Variants in CSMD1 observed in about 807,000 individuals in gnomAD.
The protein encoded by CSMD1 is CUB and Sushi multiple domains 1.
CSMD1 carries 213 observed loss-of-function variants against 417.5 expected under a neutral mutation model. That is an observed-to-expected ratio of 0.51 (90% CI 0.46 to 0.57). The LOEUF (loss-of-function observed/expected upper bound fraction) is 0.57, where lower values mean the gene tolerates loss of function less well. CSMD1 is among the 20% of genes least tolerant of loss of function. The probability of loss-of-function intolerance (pLI) is 0.00; values close to 1 mark genes in which losing one functional copy is unlikely to be tolerated. For synonymous variants in CSMD1, 2,862 were observed against 1,736.8 expected (o/e 1.65, Z -16.11); for missense variants, 6,923 against 4,529.7 (o/e 1.53, Z -15.17).
intron 46 of CSMD1, among the ~76,000 whole-genome samples, chr8:3,105,526 T>C (rs10102118): frequency 0.029 from 4,426 of 152,348 alleles, 212 homozygotes; most frequent in African/African-American, 0.099. Flanking sequence ...GAAAGTGGTG[T>C]CTATTAATAT....
intron 25 of CSMD1, among the ~76,000 whole-genome samples, chr8:3,301,256 G>C (rs189623132): frequency 6.6e-6 from 1 of 152,146 alleles, no homozygotes; most frequent in African/African-American, 2.4e-5. Flanking sequence ...TTTGCAGGGT[G>C]GTCAGTGGAA....
chr8:4,367,400 C>T lies in CSMD1; in HGVS notation c.415+52553G>A, dbSNP rs192802914. ...ATGGCTTTATTTCTGGGTCCTCTCT[C>T]ATTTTTCATTGGTCTATGTGTCTAT... is the stretch of plus-strand genomic sequence containing the variant. On this transcript the variant is annotated intron_variant, in intron 3 of 69. Coordinates refer to ENST00000635120, the MANE Select transcript of CSMD1 (RefSeq NM_033225.6). Among the ~76,000 whole-genome samples, 5 of 152,166 alleles carry T rather than the reference C, an allele frequency of 3.3e-5. No homozygotes were observed. In the East Asian group the frequency reaches 9.7e-4, roughly 29 times the overall value.
intron 3 of CSMD1, among the ~76,000 whole-genome samples, chr8:4,376,384 T>C (rs796520571): frequency 9.9e-5 from 15 of 152,216 alleles, no homozygotes; most frequent in African/African-American, 3.1e-4. Context: ...AGTAACCATA[T>C]GTAACCCGTG....
intron 11 of CSMD1, among the ~76,000 whole-genome samples, chr8:3,476,445 A>C (rs80174927): frequency 6.6e-6 from 1 of 152,152 alleles, no homozygotes; most frequent in East Asian, 1.9e-4. Context: ...TTCTAGGGTA[A>C]ATACTTAGGA....
At chr8:4,290,740 T>C (rs1029251111) in intron 3 of CSMD1, among the ~76,000 whole-genome samples, 4 of 152,246 alleles carry the variant, frequency 2.6e-5, no homozygotes, top group African/African-American at 4.8e-5. Flanking sequence ...TATCTCCCTA[T>C]CTGTAGTTTC....
chr8:3,835,227 C>G (rs959597380), intron 5 of CSMD1, among the ~76,000 whole-genome samples: 5 of 151,280 alleles, frequency 3.3e-5, no homozygotes, highest in Admixed American at 2.0e-4. Flanking sequence ...GGTATATACC[C>G]AAAGGATTAT....
chr8:3,189,812 G>A (rs1796305242), intron 34 of CSMD1, 100 bp downstream of exon 34: 19 of 1,103,620 alleles, frequency 1.7e-5, no homozygotes, highest in Admixed American at 8.9e-5. Context: ...AATGGGTCAT[G>A]AGCCAGATGG....
chr8:3,973,519 T>C (rs1299296191), intron 5 of CSMD1, among the ~76,000 whole-genome samples: 1 of 152,210 alleles, frequency 6.6e-6, no homozygotes, highest in East Asian at 1.9e-4. Flanking sequence ...CATTCTGGTA[T>C]AAGAACAAAC....
intron 49 of CSMD1, among the ~76,000 whole-genome samples, chr8:3,081,961 C>T (rs910663660): frequency 2.0e-5 from 3 of 152,158 alleles, no homozygotes; most frequent in Non-Finnish European, 4.4e-5. Context: ...AGCTTCCTTT[C>T]CCTCACATGG....
chr8:3,150,423 C>G (rs969706070), intron 40 of CSMD1, among the ~76,000 whole-genome samples: 1 of 152,160 alleles, frequency 6.6e-6, no homozygotes, highest in Non-Finnish European at 1.5e-5. Flanking sequence ...GCCGTCATTC[C>G]GACTGTTCAT....
chr8:4,444,484 T>TA (rs1425329595), intron 2 of CSMD1, among the ~76,000 whole-genome samples: 1 of 151,686 alleles, frequency 6.6e-6, no homozygotes. Flanking sequence ...AGCAGTCGCA[T>TA]TCAATTAGGA....
intron 3 of CSMD1, among the ~76,000 whole-genome samples, chr8:4,363,542 C>G (rs914700495): frequency 2.0e-5 from 3 of 152,146 alleles, no homozygotes; most frequent in African/African-American, 7.2e-5. Context: ...CAATAACTCC[C>G]TCCCTACTAC....
chr8:4,060,879 C>A (rs1438100324), intron 3 of CSMD1, among the ~76,000 whole-genome samples: 1 of 151,890 alleles, frequency 6.6e-6, no homozygotes, highest in Non-Finnish European at 1.5e-5. Context: ...AAAACAAAGG[C>A]AAAAAATAAA....
chr8:4,856,332 C>A (rs7839511), intron 1 of CSMD1, among the ~76,000 whole-genome samples: 1 of 142,086 alleles, frequency 7.0e-6, no homozygotes, highest in South Asian at 2.4e-4. Flanking sequence ...TAAAGACCAT[C>A]GAGACTAGGA....
chr8:4,737,894 G>T (rs1810349711), intron 1 of CSMD1, among the ~76,000 whole-genome samples: 1 of 152,136 alleles, frequency 6.6e-6, no homozygotes, highest in East Asian at 1.9e-4. Flanking sequence ...AGATAATAAG[G>T]AAATTGATAG....
In CSMD1 at chr8:4,087,444, T is replaced by G. The variant is rs571898968; in HGVS notation, c.416-55345A>C. ...TTAATTCTCTCAATGTTAAATTAAG[T>G]AGAAACCACCCAACTTCTGTCCCTT... On this transcript the variant is annotated intron_variant, in intron 3 of 69. Transcript: ENST00000635120. Among the ~76,000 whole-genome samples, 9 of 152,336 alleles carry G rather than the reference T, an allele frequency of 5.9e-5. No homozygotes were observed. The South Asian group carries it at 1.0e-3, about 18-fold the overall frequency.
chr8:4,335,454 A>C (rs1053088140), intron 3 of CSMD1, among the ~76,000 whole-genome samples: 3 of 152,090 alleles, frequency 2.0e-5, no homozygotes, highest in Non-Finnish European at 2.9e-5. Context: ...TCATTTATTT[A>C]AATCAGGGAA....
intron 2 of CSMD1, among the ~76,000 whole-genome samples, chr8:4,558,020 A>G (rs1798172229): frequency 6.6e-6 from 1 of 152,176 alleles, no homozygotes; most frequent in Non-Finnish European, 1.5e-5. Context: ...CAAAATACAG[A>G]CCACTGAGCT....
At chr8:3,009,980 C>A (rs1384085853) in intron 52 of CSMD1, among the ~76,000 whole-genome samples, 1 of 152,196 alleles carries the variant, frequency 6.6e-6, no homozygotes, top group Non-Finnish European at 1.5e-5. Flanking sequence ...CTATTCCTGT[C>A]TCAATGTAGT....
Sources: allele counts gnomAD v4.1 joint callset (sites outside exome capture counted in the v4.1 genomes callset), GRCh38; gene constraint gnomAD v4.1.1; transcripts MANE v1.5; gene names NCBI Gene and HGNC (gene_info 2026-07-23, HGNC 2026-07-21).